ACTR3C: variants seen among roughly 807,000 people sequenced by gnomAD.
ACTR3C encodes the protein actin-related protein 3C.
ACTR3C carries 18 observed loss-of-function variants against 26.3 expected under a neutral mutation model. That is an observed-to-expected ratio of 0.68 (90% CI 0.47 to 1.01). The LOEUF (loss-of-function observed/expected upper bound fraction) is 1.01, where lower values mean the gene tolerates loss of function less well. Ranked by LOEUF, ACTR3C falls within the 50% of genes least tolerant of loss-of-function variation. The pLI, the probability that ACTR3C is intolerant of heterozygous loss-of-function variation, is 0.00. For missense variants in ACTR3C, 184 were observed against 250.7 expected, an observed-to-expected ratio of 0.73 and a Z score of 1.80; for synonymous variants, 55 against 94.5, an observed-to-expected ratio of 0.58 and a Z score of 2.42.
intron 1 of ACTR3C, among the ~76,000 whole-genome samples, chr7:150,298,148 G>T (rs1231257366): frequency 2.0e-5 from 3 of 150,028 alleles, no homozygotes; most frequent in Non-Finnish European, 3.0e-5. Flanking sequence ...AGAACATGTG[G>T]CAATACCAAC....
the ACTR3C span, among the ~76,000 whole-genome samples, chr7:150,196,711 C>T: frequency 6.6e-6 from 1 of 151,936 alleles, no homozygotes; most frequent in Non-Finnish European, 1.5e-5. Context: ...ACTCCTTGGC[C>T]TTTCTTTGGA....
chr7:150,255,242 ATTTTTTT>A (rs745713614), intron 6 of ACTR3C, among the ~76,000 whole-genome samples: 11 of 85,610 alleles, frequency 1.3e-4, no homozygotes, highest in South Asian at 9.1e-4. Context: ...TTTGTAGGGG[ATTTTTTT>A]TTTTTTTTTT....
At chr7:149,989,362 A>G in the ACTR3C span, among the ~76,000 whole-genome samples, 3 of 152,306 alleles carry the variant, frequency 2.0e-5, no homozygotes, top group South Asian at 4.1e-4. Context: ...ATTATTAAAT[A>G]TAGTCACCAT....
the ACTR3C span, among the ~76,000 whole-genome samples, chr7:150,131,207 T>C: frequency 6.6e-6 from 1 of 152,056 alleles, no homozygotes; most frequent in African/African-American, 2.4e-5. Context: ...ATGAACTTAC[T>C]GTGCAATGAA....
chr7:150,147,064 T>C, the ACTR3C span, among the ~76,000 whole-genome samples: 1 of 152,308 alleles, frequency 6.6e-6, no homozygotes, highest in Non-Finnish European at 1.5e-5. Flanking sequence ...CTTGTAATGT[T>C]GAGGCTTGTA....
intron 1 of ACTR3C, among the ~76,000 whole-genome samples, chr7:150,301,666 T>C (rs1470587348): frequency 6.6e-6 from 1 of 151,932 alleles, no homozygotes; most frequent in Non-Finnish European, 1.5e-5. Context: ...GAATGTGGTA[T>C]CTATGTACAA....
At chr7:150,166,720 T>C in the ACTR3C span, among the ~76,000 whole-genome samples, 1 of 150,094 alleles carries the variant, frequency 6.7e-6, no homozygotes, top group Non-Finnish European at 1.5e-5. Flanking sequence ...TTTTGTTAAC[T>C]GTAGTCACTG....
chr7:150,116,038 A>C, the ACTR3C span, among the ~76,000 whole-genome samples: 1 of 152,178 alleles, frequency 6.6e-6, no homozygotes, highest in African/African-American at 2.4e-5. Context: ...AGATCAGAGC[A>C]CTCCACATAT....
chr7:149,895,114 A>C, the ACTR3C span, among the ~76,000 whole-genome samples: 1 of 151,620 alleles, frequency 6.6e-6, no homozygotes, highest in Non-Finnish European at 1.5e-5. Context: ...CCTCGAGGGC[A>C]TTATGTTAAG....
chr7:150,090,989 T>G, the ACTR3C span, among the ~76,000 whole-genome samples: 1 of 152,138 alleles, frequency 6.6e-6, no homozygotes, highest in Non-Finnish European at 1.5e-5. Flanking sequence ...AAGGGCACCA[T>G]CCTTTCCCTT....
the ACTR3C span, among the ~76,000 whole-genome samples, chr7:150,014,633 A>C: frequency 6.6e-6 from 1 of 152,118 alleles, no homozygotes; most frequent in East Asian, 1.9e-4. Flanking sequence ...TTGAAATGCA[A>C]ACTGAGCCAT....
At chr7:150,183,306 G>GAGATTCCTCAATT in the ACTR3C span, among the ~76,000 whole-genome samples, 1 of 144,458 alleles carries the variant, frequency 6.9e-6, no homozygotes. Context: ...ATATGACCAT[G>GAGATTCCTCAATT]TTGCCACATG....
At chr7:150,235,155 C>T in the ACTR3C span, among the ~76,000 whole-genome samples, 4 of 152,238 alleles carry the variant, frequency 2.6e-5, no homozygotes, top group Non-Finnish European at 4.4e-5. Context: ...CCAGTAAATT[C>T]AGTGCCATGT....
At chr7:150,065,916 A>G in the ACTR3C span, among the ~76,000 whole-genome samples, 1 of 151,460 alleles carries the variant, frequency 6.6e-6, no homozygotes, top group African/African-American at 2.4e-5. Context: ...AGATGGAAAC[A>G]CAAGTGCAAT....
At chr7:150,276,464 T>G (rs1227580856) in intron 6 of ACTR3C, among the ~76,000 whole-genome samples, 1 of 152,188 alleles carries the variant, frequency 6.6e-6, no homozygotes, top group Non-Finnish European at 1.5e-5. Context: ...CCTTAGGAAC[T>G]GGAGCTTTTT....
the ACTR3C span, among the ~76,000 whole-genome samples, chr7:150,036,149 G>GC: frequency 2.3e-5 from 3 of 131,464 alleles, no homozygotes; most frequent in Non-Finnish European, 3.5e-5. Context: ...TCCCCGCCTC[G>GC]TGGGGGGTGC....
chr7:150,135,247 G>A, the ACTR3C span, among the ~76,000 whole-genome samples: 1 of 152,194 alleles, frequency 6.6e-6, no homozygotes, highest in Non-Finnish European at 1.5e-5. Context: ...GCTCCAACCC[G>A]GGGGACACAG....
rs1053070960 is a variant in ACTR3C, at chr7:150,247,368, C to T, written c.*240G>A. 1 of 151,692 alleles carries T rather than the reference C, an allele frequency of 6.6e-6. No homozygotes were observed. The highest frequency in any genetic ancestry group is 1.5e-5 in the Non-Finnish European group (1 of 67,976). The allele number at this position is 151,692 out of a possible 1,614,324, so 9.4% of individuals were successfully genotyped here. A position where few individuals can be genotyped will look rare whatever the true frequency, so the allele number is the denominator to read the frequency against. ...TTCTCCAAGAACATGCACATCTTCA[C>T]CTGGGCTTGCTGCTGCCCCACGTAG... On this transcript the variant is annotated 3_prime_UTR_variant, in exon 8 of 8. Transcript: ENST00000683684.
the ACTR3C span, among the ~76,000 whole-genome samples, chr7:149,999,116 C>T: frequency 1.3e-5 from 2 of 150,694 alleles, no homozygotes; most frequent in Non-Finnish European, 2.9e-5. Flanking sequence ...AGTCTGCTCC[C>T]AGATCCCTGC....
Sources: gnomAD v4.1 joint callset for allele counts (sites outside exome capture counted in the v4.1 genomes callset) on GRCh38, gnomAD v4.1.1 for gene constraint, MANE v1.5 for transcripts, NCBI Gene and HGNC (gene_info 2026-07-23, HGNC 2026-07-21) for gene names.